The following SLC39A14 variants were observed in gnomAD, a reference collection of about 807,000 sequenced individuals.
SLC39A14 encodes metal cation symporter ZIP14.
In SLC39A14, 19 loss-of-function variants were observed where a neutral mutation model predicts 45.5. The observed-to-expected ratio is 0.42, with a 90% confidence interval of 0.29 to 0.61. SLC39A14 has a LOEUF of 0.61. SLC39A14 is among the 20% of genes least tolerant of loss of function. The pLI is 0.22. For missense variants in SLC39A14, 447 were observed against 616.5 expected, an observed-to-expected ratio of 0.73 and a Z score of 2.91; for synonymous variants, 264 against 251.3, an observed-to-expected ratio of 1.05 and a Z score of -0.48.
At position 22,412,804 on chromosome 8, in the gene SLC39A14, C is replaced by T. The variant is rs556349774; in HGVS notation, c.627+598C>T. On this transcript the variant is annotated intron_variant, in intron 4 of 8. Coordinates refer to ENST00000381237, the MANE Select transcript of SLC39A14 (RefSeq NM_001128431.4). ...ACTAAAAACACAAAAATTAGCCAGA[C>T]GTGGTAGCGCACGCCTGTAATCCCA... Among the ~76,000 whole-genome samples the T allele has an allele frequency of 2.9e-3, 445 of 152,230 alleles. 3 individuals are homozygous for T. The highest frequency in any genetic ancestry group is 1.0e-2 in the African/African-American group (415 of 41,542).
At chr8:22,406,341 C>T (rs570110275) in intron 2 of SLC39A14, among the ~76,000 whole-genome samples, 37 of 150,568 alleles carry the variant, frequency 2.5e-4, no homozygotes, top group African/African-American at 9.2e-4. Flanking sequence ...CCCAGCTACT[C>T]CGGAGGCTGA....
chr8:22,395,129 C>G (rs983365478), intron 1 of SLC39A14, among the ~76,000 whole-genome samples: 1 of 151,998 alleles, frequency 6.6e-6, no homozygotes, highest in Non-Finnish European at 1.5e-5. Context: ...CCTGCCCCAG[C>G]CTCCTGAGTA....
rs532585500 is a variant in SLC39A14, at chr8:22,389,176, A to G, written c.-15-15520A>G. ...CAGTGTGCATCATGATCACCTGAGC[A>G]CTTAGTCAAACCCAAGTTGCTGGTC... On this transcript the variant is annotated intron_variant, in intron 1 of 8. Transcript: ENST00000381237. Among the ~76,000 whole-genome samples the G allele has an allele frequency of 1.0e-3, 159 of 152,306 alleles. 4 individuals carry two copies. The highest frequency in any genetic ancestry group is 3.7e-3 in the African/African-American group (152 of 41,566).
chr8:22,402,110 A>C, intron 1 of SLC39A14, among the ~76,000 whole-genome samples: 1 of 151,930 alleles, frequency 6.6e-6, no homozygotes, highest in Non-Finnish European at 1.5e-5. Context: ...GGCTGGGCGC[A>C]GTAGCTCACG....
intron 1 of SLC39A14, among the ~76,000 whole-genome samples, chr8:22,400,431 C>T (rs1426725513): frequency 6.6e-6 from 1 of 152,202 alleles, no homozygotes; most frequent in Non-Finnish European, 1.5e-5. Context: ...AGGCAGACCT[C>T]CCCCTTGTTT....
intron 1 of SLC39A14, among the ~76,000 whole-genome samples, chr8:22,376,852 T>G (rs1352423465): frequency 1.3e-5 from 2 of 152,104 alleles, no homozygotes; most frequent in Non-Finnish European, 2.9e-5. Context: ...CACTCCAGCC[T>G]GGGCAACAGA....
rs543705388 is a variant in SLC39A14 at position 22,417,869 on chromosome 8, G to A, written c.1332+34G>A. ...TCCACAGTTCACTGGATGAGAGGGCGGCTAAGGGGATGGATGTTAGGTAGG... is the reference window on the plus strand; with the variant it reads ...TCCACAGTTCACTGGATGAGAGGGCAGCTAAGGGGATGGATGTTAGGTAGG... On this transcript the variant is annotated intron_variant, in intron 8 of 8. Coordinates refer to ENST00000381237, the MANE Select transcript of SLC39A14 (RefSeq NM_001128431.4). 30 of 1,575,412 alleles carry A rather than the reference G, an allele frequency of 1.9e-5. No individual in the cohort carries two copies. In the South Asian group the frequency reaches 2.4e-4, roughly 12 times the overall value.
intron 8 of SLC39A14, among the ~76,000 whole-genome samples, chr8:22,431,986 A>G (rs571475437): frequency 9.2e-5 from 14 of 152,306 alleles, no homozygotes; most frequent in Admixed American, 4.6e-4. Flanking sequence ...TTTAATCAGA[A>G]AAGACATTGA....
chr8:22,381,306 G>A (rs563457857), intron 1 of SLC39A14, among the ~76,000 whole-genome samples: 62 of 143,588 alleles, frequency 4.3e-4, no homozygotes, highest in African/African-American at 1.6e-3. Flanking sequence ...ACAGAGTCTC[G>A]CTCCGTCACC....
At chr8:22,384,566 G>A (rs138007414) in intron 1 of SLC39A14, among the ~76,000 whole-genome samples, 2,261 of 151,818 alleles carry the variant, frequency 0.015, 35 homozygotes, top group East Asian at 0.076. Context: ...TGGCCAACAT[G>A]GCTAAACCCT....
At chr8:22,368,496 A>G (rs941179538) in intron 1 of SLC39A14, among the ~76,000 whole-genome samples, 1 of 84,782 alleles carries the variant, frequency 1.2e-5, no homozygotes, top group Non-Finnish European at 2.2e-5. Context: ...CTTTTATTTT[A>G]TTTTATTTTA....
chr8:22,389,200 T>TA (rs1833938818), intron 1 of SLC39A14, among the ~76,000 whole-genome samples: 2 of 152,218 alleles, frequency 1.3e-5, no homozygotes, highest in South Asian at 4.1e-4. Context: ...AAGTTGCTGG[T>TA]CCAACCCCAG....
rs753977933 is a variant in SLC39A14 at position 22,419,881 on chromosome 8, C to T, written c.*183C>T. On this transcript the variant is annotated 3_prime_UTR_variant, in exon 9 of 9. Transcript: ENST00000381237. The stretch of plus-strand genomic sequence containing the variant: ...TGCTGTATCCTAGGAATAAGCTGCC[C>T]TGGTAACCAGTCTCTAGCTAGTGCC... 6.1e-6 allele frequency: 8 copies of T among 1,311,872 alleles called. No individual in the cohort carries two copies. The highest frequency in any genetic ancestry group is 1.5e-5 in the African/African-American group (1 of 67,300). The allele number at this position is 1,311,872 out of a possible 1,614,324, so 81.3% of individuals were successfully genotyped here. A position where few individuals can be genotyped will look rare whatever the true frequency, so the allele number is the denominator to read the frequency against.
chr8:22,427,045 C>T (rs1296634070), downstream of SLC39A14, among the ~76,000 whole-genome samples: 1 of 151,682 alleles, frequency 6.6e-6, no homozygotes, highest in Non-Finnish European at 1.5e-5. Flanking sequence ...GTAATCCCAG[C>T]ACTTTGGGAG....
At position 22,404,778 on chromosome 8, in the gene SLC39A14, G is replaced by C. The variant is rs1323408633; in HGVS notation, c.68G>C (p.Arg23Thr). 2.5e-6 allele frequency: 4 copies of C among 1,613,260 alleles called. No individual in the cohort carries two copies. Among genetic ancestry groups the C allele is most frequent in the South Asian group, 1.1e-5 (1 of 91,054 alleles). The part of the protein sequence containing the change: ...CLLLTLLGLW[R>T]TTPEAHASSL... ...CTGCTGACCCTGCTTGGCTTATGGA[G>C]AACCACCCCTGAGGCTCACGCTTCA... The change falls in exon 2 of 9, where the codon AGA becomes ACA. Residue 23 changes from arginine (R) to threonine (T), a missense_variant. This residue lies in a region of SLC39A14 where 342 missense variants were observed against 428.1 expected (regional missense o/e 0.80). Coordinates refer to ENST00000381237, the MANE Select transcript of SLC39A14 (RefSeq NM_001128431.4).
rs1450885534 is a variant in SLC39A14 at position 22,415,068 on chromosome 8, T to C, written c.750+166T>C. On this transcript the variant is annotated intron_variant, in intron 5 of 8. Coordinates refer to ENST00000381237, the MANE Select transcript of SLC39A14 (RefSeq NM_001128431.4). ...ATCCCATTTCACCTCCTGAGGATAT[T>C]TGGCCAGAAGTGAGGCCAGACCAGA... The C allele has an allele frequency of 4.9e-5, 42 of 849,106 alleles. 1 individual carries two copies. The South Asian group carries it at 6.8e-4, about 14-fold the overall frequency. 52.6% of individuals were successfully genotyped at this position (849,106 alleles called of 1,614,324 possible).
chr8:22,374,837 C>G (rs1486345277), intron 1 of SLC39A14, among the ~76,000 whole-genome samples: 2 of 150,322 alleles, frequency 1.3e-5, no homozygotes, highest in Non-Finnish European at 2.9e-5. Flanking sequence ...ACCTCCCCTC[C>G]TGAGCTCAAG....
chr8:22,424,138 A>G (rs1052212511), downstream of SLC39A14, among the ~76,000 whole-genome samples: 1 of 152,122 alleles, frequency 6.6e-6, no homozygotes, highest in African/African-American at 2.4e-5. Context: ...GTGTTGCATG[A>G]TAGAAGAATT....
At chr8:22,403,796 T>C (rs1236116833) in intron 1 of SLC39A14, among the ~76,000 whole-genome samples, 3 of 152,080 alleles carry the variant, frequency 2.0e-5, no homozygotes, top group Admixed American at 2.0e-4. Flanking sequence ...CAAATGCCTG[T>C]AATCCCAGCT....
Sources: gnomAD v4.1 joint callset for allele counts (sites outside exome capture counted in the v4.1 genomes callset) on GRCh38, gnomAD v4.1.1 for gene constraint, gnomAD v4.1.1 regional missense constraint, MANE v1.5 for transcripts, NCBI Gene and HGNC (gene_info 2026-07-23, HGNC 2026-07-21) for gene names.